The following PKP1 variants were observed in gnomAD, a reference collection of about 807,000 sequenced individuals.
PKP1 encodes plakophilin-1.
In PKP1, 27 loss-of-function variants were observed where a neutral mutation model predicts 76.4. The observed-to-expected ratio is 0.35, with a 90% CI of 0.26 to 0.49. The LOEUF (loss-of-function observed/expected upper bound fraction) is 0.49, where lower values mean the gene tolerates loss of function less well. PKP1 is among the 20% of genes least tolerant of loss of function. The pLI, the probability that PKP1 is intolerant of heterozygous loss-of-function variation, is 0.99. For synonymous variants in PKP1, 404 were observed against 384.2 expected (o/e 1.05, Z -0.60); for missense variants, 964 against 955.2 (o/e 1.01, Z -0.12).
rs573692848 is a variant in PKP1 at position 201,307,920 on chromosome 1, G to C, written c.307-5246G>C. 2.6e-5 allele frequency among the ~76,000 whole-genome samples: 4 copies of C among 152,312 alleles called. No homozygotes were observed. The East Asian group carries it at 7.7e-4, about 29-fold the overall frequency. The stretch of plus-strand genomic sequence containing the variant: ...AAGATGGCCCTGTTGGACACTGCTG[G>C]GTGTGTGACTTGGCAAGCAGACCAG... On this transcript the variant is annotated intron_variant, in intron 2 of 13. Coordinates refer to ENST00000367324, the MANE Select transcript of PKP1 (RefSeq NM_001005337.3).
intron 1 of PKP1, among the ~76,000 whole-genome samples, chr1:201,286,663 T>C (rs1183103883): frequency 6.6e-6 from 1 of 152,146 alleles, no homozygotes; most frequent in Non-Finnish European, 1.5e-5. Flanking sequence ...CTGGAGACCT[T>C]GCAGAAGGAG....
At chr1:201,318,902 C>T (rs959251004) in intron 6 of PKP1, 107 bp downstream of exon 6, 4 of 930,454 alleles carry the variant, frequency 4.3e-6, no homozygotes, top group African/African-American at 3.3e-5. Flanking sequence ...TAACAGACAA[C>T]CCGGCACTCC....
chr1:201,302,860 C>T (rs1336895191), intron 2 of PKP1, among the ~76,000 whole-genome samples: 2 of 152,166 alleles, frequency 1.3e-5, no homozygotes, highest in Non-Finnish European at 2.9e-5. Flanking sequence ...CACAGGCTGC[C>T]GAACTGCCGA....
At chr1:201,290,657 C>T (rs1655890829) in intron 1 of PKP1, among the ~76,000 whole-genome samples, 1 of 152,204 alleles carries the variant, frequency 6.6e-6, no homozygotes, top group African/African-American at 2.4e-5. Context: ...AGCACGTTCA[C>T]CACAAGGGTT....
chr1:201,306,544 T>C (rs1656371838), intron 2 of PKP1, among the ~76,000 whole-genome samples: 2 of 152,250 alleles, frequency 1.3e-5, no homozygotes, highest in Non-Finnish European at 1.5e-5. Flanking sequence ...CAGTTATCCA[T>C]AGACATTTGT....
rs149114648 is a variant in PKP1, at chr1:201,287,717, C to A, written c.202+3813C>A. ...TGCAGCAAATGCTGCTTCTCTGGATCCTGCTCCTTGACAGAGATTTTTTAA... is the reference window on the plus strand; with the variant it reads ...TGCAGCAAATGCTGCTTCTCTGGATACTGCTCCTTGACAGAGATTTTTTAA... On this transcript the variant is annotated intron_variant, in intron 1 of 13. Transcript: ENST00000367324. Among the ~76,000 whole-genome samples the A allele has an allele frequency of 2.3e-3, 345 of 152,288 alleles. 3 individuals are homozygous for A. Among genetic ancestry groups the A allele is most frequent in the African/African-American group, 7.8e-3 (323 of 41,560 alleles).
intron 2 of PKP1, 113 bp downstream of exon 2, chr1:201,294,158 C>T (rs949219862): frequency 3.9e-6 from 3 of 763,260 alleles, no homozygotes; most frequent in African/African-American, 1.7e-5. Context: ...GGCTTTGGTC[C>T]GTGAGTTGAG....
intron 2 of PKP1, among the ~76,000 whole-genome samples, chr1:201,310,427 G>A (rs989794669): frequency 6.6e-6 from 1 of 152,204 alleles, no homozygotes; most frequent in Admixed American, 6.5e-5. Context: ...TCTTGACCTT[G>A]GGTCTTCCTC....
chr1:201,322,386 C>A (rs1215216090), intron 8 of PKP1, among the ~76,000 whole-genome samples: 4 of 152,312 alleles, frequency 2.6e-5, no homozygotes, highest in Non-Finnish European at 4.4e-5. Context: ...AAAACTCCAG[C>A]CTTCTGTTTG....
chr1:201,307,254 C>T (rs1345428554), intron 2 of PKP1, among the ~76,000 whole-genome samples: 3 of 152,146 alleles, frequency 2.0e-5, no homozygotes, highest in Non-Finnish European at 4.4e-5. Context: ...TGTGTCCAGG[C>T]GTCAAGGCTT....
rs529709320 is a variant in PKP1, at chr1:201,283,892, C to T, written c.190C>T (p.His64Tyr). The change falls in exon 1 of 14, where the codon CAC becomes TAC. Residue 64 changes from histidine to tyrosine, a missense_variant. Physicochemically the swap from His to Tyr is moderately conservative, Grantham distance 83 (BLOSUM62 2). Transcript: ENST00000367324. ...GTCTTCCCAGTCGTCCACCCTGAGCCACTCCAATCGAGGTAAAGGCTCGGC... is the reference window on the plus strand; with the variant it reads ...GTCTTCCCAGTCGTCCACCCTGAGCTACTCCAATCGAGGTAAAGGCTCGGC... ...SKSSQSSTLS[H>Y]SNRGSMYDGL... 28 of 1,614,104 alleles carry T rather than the reference C, an allele frequency of 1.7e-5. No individual in the cohort carries two copies. In the African/African-American group the frequency reaches 3.2e-4, roughly 18 times the overall value.
chr1:201,299,368 A>C (rs2102159752), intron 2 of PKP1, among the ~76,000 whole-genome samples: 1 of 152,344 alleles, frequency 6.6e-6, no homozygotes, highest in African/African-American at 2.4e-5. Context: ...GTGACATACC[A>C]GATCAGCAGT....
intron 1 of PKP1, among the ~76,000 whole-genome samples, chr1:201,287,034 C>A (rs537878129): frequency 6.6e-6 from 1 of 152,208 alleles, no homozygotes; most frequent in South Asian, 2.1e-4. Context: ...CCTGTCCTGT[C>A]TCCTTCCAGG....
At chr1:201,286,880 A>T (rs187400147) in intron 1 of PKP1, among the ~76,000 whole-genome samples, 2 of 152,218 alleles carry the variant, frequency 1.3e-5, no homozygotes, top group East Asian at 3.9e-4. Flanking sequence ...GGAAGGAAAC[A>T]CTTATCCACC....
intron 2 of PKP1, among the ~76,000 whole-genome samples, chr1:201,307,402 C>A (rs1203777366): frequency 6.6e-6 from 1 of 152,212 alleles, no homozygotes; most frequent in Non-Finnish European, 1.5e-5. Context: ...ACTTCCCCTG[C>A]TGAAGTCCCA....
At chr1:201,295,876 G>T (rs1313637266) in intron 2 of PKP1, among the ~76,000 whole-genome samples, 2 of 106,194 alleles carry the variant, frequency 1.9e-5, no homozygotes, top group Non-Finnish European at 4.1e-5. Flanking sequence ...TTCGGGGAAG[G>T]TGTTTCTAAA....
At position 201,325,291 on chromosome 1, in the gene PKP1, G is replaced by A. The variant is rs116183718; in HGVS notation, c.2021+164G>A. On this transcript the variant is annotated intron_variant, in intron 11 of 13. Coordinates refer to ENST00000367324, the MANE Select transcript of PKP1 (RefSeq NM_001005337.3). ...GAATGGAGGAGAAGTTCCAGAAGCC[G>A]AGAGTGCGTGGAGAGAAGGGTCCAG... 9.3e-3 allele frequency among the ~76,000 whole-genome samples: 1,414 copies of A among 152,278 alleles called. 10 individuals are homozygous for A. The highest frequency in any genetic ancestry group is 0.015 in the Non-Finnish European group (1,041 of 68,018).
intron 12 of PKP1, 72 bp downstream of exon 12, chr1:201,325,910 G>A (rs1657110097): frequency 2.6e-6 from 3 of 1,169,880 alleles, no homozygotes; most frequent in Non-Finnish European, 2.6e-6. Flanking sequence ...CATATGCTGG[G>A]CTCTGGGCTG....
At chr1:201,311,802 T>G (rs976532952) in intron 2 of PKP1, among the ~76,000 whole-genome samples, 2 of 152,152 alleles carry the variant, frequency 1.3e-5, no homozygotes, top group African/African-American at 4.8e-5. Context: ...TGTGGAGATG[T>G]TTTTTTATCA....
Sources: gnomAD v4.1 joint callset for allele counts (sites outside exome capture counted in the v4.1 genomes callset) on GRCh38, gnomAD v4.1.1 for gene constraint, MANE v1.5 for transcripts, NCBI Gene and HGNC (gene_info 2026-07-23, HGNC 2026-07-21) for gene names.